The following ZSWIM6 variants were observed in gnomAD, a reference collection of about 807,000 sequenced individuals.
ZSWIM6 encodes the protein zinc finger SWIM-type containing 6.
Under a neutral mutation model 113.2 loss-of-function variants are expected in ZSWIM6, and 9 were observed. That is an observed-to-expected ratio of 0.08 (90% CI 0.05 to 0.14). The LOEUF is 0.14. Among genes scored for constraint, ZSWIM6 ranks in the 10% least tolerant of loss-of-function variants. The pLI is 1.00. For synonymous variants in ZSWIM6, 611 were observed against 606.5 expected, an observed-to-expected ratio of 1.01 and a Z score of -0.11; for missense variants, 1,162 against 1,552.2, an observed-to-expected ratio of 0.75 and a Z score of 4.22.
chr5:61,471,355 A>G (rs915594381), intron 1 of ZSWIM6, among the ~76,000 whole-genome samples: 1 of 152,170 alleles, frequency 6.6e-6, no homozygotes, highest in Non-Finnish European at 1.5e-5. Context: ...ACCCACCCCA[A>G]TTTAGGATAG....
chr5:61,349,117 A>G (rs1480604584), intron 1 of ZSWIM6, among the ~76,000 whole-genome samples: 2 of 152,220 alleles, frequency 1.3e-5, no homozygotes, highest in Non-Finnish European at 2.9e-5. Context: ...TAACAGATGT[A>G]AAAATACTCT....
At chr5:61,491,338 C>T (rs965732321) in intron 3 of ZSWIM6, among the ~76,000 whole-genome samples, 3 of 151,910 alleles carry the variant, frequency 2.0e-5, no homozygotes, top group Non-Finnish European at 4.4e-5. Flanking sequence ...ATGTCAGTAT[C>T]TGTAAGTTAA....
chr5:61,535,593 A>G lies in ZSWIM6; in HGVS notation c.2355A>G (p.Ala785=). Residue 785 remains alanine, a synonymous_variant, in exon 10 of 14, where the codon GCA becomes GCG. Coordinates refer to ENST00000252744, the MANE Select transcript of ZSWIM6 (RefSeq NM_020928.2). ...TSLLPHDAEL[A]YKIALRAMRL... The stretch of plus-strand genomic sequence containing the variant: ...TCCTACCTCACGATGCTGAATTGGC[A>G]TACAAAATTGCACTGAGAGCAATGC... 6.4e-7 allele frequency: 1 copy of G among 1,551,364 alleles called. No individual in the cohort carries two copies. Among genetic ancestry groups the G allele is most frequent in the South Asian group, 1.2e-5 (1 of 84,062 alleles).
intron 7 of ZSWIM6, among the ~76,000 whole-genome samples, chr5:61,529,063 C>T (rs980777553): frequency 6.6e-6 from 1 of 152,092 alleles, no homozygotes; most frequent in African/African-American, 2.4e-5. Flanking sequence ...CTAAAATTGG[C>T]CGGGCGTGAT....
chr5:61,496,758 A>T (rs1032965997), intron 4 of ZSWIM6, among the ~76,000 whole-genome samples: 1 of 152,172 alleles, frequency 6.6e-6, no homozygotes, highest in African/African-American at 2.4e-5. Flanking sequence ...GCCATTACAG[A>T]TCATTTAAAT....
chr5:61,366,004 C>A (rs1222881311), intron 1 of ZSWIM6, among the ~76,000 whole-genome samples: 8 of 152,212 alleles, frequency 5.3e-5, no homozygotes, highest in Middle Eastern at 6.8e-3. Flanking sequence ...CTCCCAGGCT[C>A]AAGTGATCCT....
chr5:61,516,171 G>T (rs1234756070), intron 4 of ZSWIM6, among the ~76,000 whole-genome samples: 5 of 151,410 alleles, frequency 3.3e-5, no homozygotes, highest in African/African-American at 1.2e-4. Context: ...AATTATTGAT[G>T]TGGTTGTTGA....
chr5:61,333,607 G>A (rs1744317565), intron 1 of ZSWIM6, among the ~76,000 whole-genome samples: 1 of 151,746 alleles, frequency 6.6e-6, no homozygotes, highest in Non-Finnish European at 1.5e-5. Flanking sequence ...TTTAAATGTC[G>A]TTTTCTTTGC....
At chr5:61,424,000 A>G (rs980708364) in intron 1 of ZSWIM6, among the ~76,000 whole-genome samples, 1 of 152,054 alleles carries the variant, frequency 6.6e-6, no homozygotes, top group African/African-American at 2.4e-5. Context: ...ACTGCCAGCA[A>G]TTTGTGCCTT....
At chr5:61,344,195 A>G (rs1372304063) in intron 1 of ZSWIM6, among the ~76,000 whole-genome samples, 2 of 152,090 alleles carry the variant, frequency 1.3e-5, no homozygotes. Flanking sequence ...GTGCCTGGCC[A>G]GGATTTTGTA....
At chr5:61,448,151 T>C (rs1387072352) in intron 1 of ZSWIM6, among the ~76,000 whole-genome samples, 1 of 152,228 alleles carries the variant, frequency 6.6e-6, no homozygotes, top group African/African-American at 2.4e-5. Context: ...TCTGTGTTTA[T>C]TCAAAAGAAA....
chr5:61,524,184 G>A (rs940490546), intron 5 of ZSWIM6, among the ~76,000 whole-genome samples: 2 of 152,196 alleles, frequency 1.3e-5, no homozygotes, highest in African/African-American at 4.8e-5. Context: ...AGAGGTCACG[G>A]AACCAATTTC....
At chr5:61,419,805 T>C (rs1184433725) in intron 1 of ZSWIM6, among the ~76,000 whole-genome samples, 1 of 152,220 alleles carries the variant, frequency 6.6e-6, no homozygotes, top group Non-Finnish European at 1.5e-5. Flanking sequence ...TGCCTTCTGG[T>C]TGTATGAATT....
rs1471098272 is a variant in ZSWIM6 at position 61,332,962 on chromosome 5, C to T, written c.676+14C>T. On this transcript the variant is annotated intron_variant, in intron 1 of 13. Transcript: ENST00000252744. ...TCCTGCAAGTCGGTGAGTCACGGGGCAGCCGCGAGCCGTCTGTCCGTCCGT... is the reference window on the plus strand; with the variant it reads ...TCCTGCAAGTCGGTGAGTCACGGGGTAGCCGCGAGCCGTCTGTCCGTCCGT... 4 of 1,281,430 alleles carry T rather than the reference C, an allele frequency of 3.1e-6. No homozygotes were observed. Among genetic ancestry groups the T allele is most frequent in the Admixed American group, 3.5e-5 (1 of 28,652 alleles). The allele number at this position is 1,281,430 out of a possible 1,614,324, so 79.4% of individuals were successfully genotyped here. A position where few individuals can be genotyped will look rare whatever the true frequency, so the allele number is the denominator to read the frequency against.
intron 1 of ZSWIM6, among the ~76,000 whole-genome samples, chr5:61,444,982 T>TA (rs1371991285): frequency 6.6e-6 from 1 of 152,224 alleles, no homozygotes; most frequent in Non-Finnish European, 1.5e-5. Flanking sequence ...GATTAGTTAA[T>TA]AGGACATTTA....
intron 4 of ZSWIM6, among the ~76,000 whole-genome samples, chr5:61,507,093 G>A (rs903507973): frequency 4.6e-5 from 7 of 152,042 alleles, no homozygotes; most frequent in Non-Finnish European, 5.9e-5. Context: ...AGCCCCCACC[G>A]GCTTCTCCCC....
intron 1 of ZSWIM6, chr5:61,391,975 A>G (rs1417951297): frequency 4.5e-6 from 2 of 444,138 alleles, no homozygotes; most frequent in Admixed American, 4.1e-5. Context: ...GTCTACCTTC[A>G]TTTTGTGTAT....
At chr5:61,434,288 GTTAC>G (rs1746654484) in intron 1 of ZSWIM6, among the ~76,000 whole-genome samples, 2 of 150,556 alleles carry the variant, frequency 1.3e-5, no homozygotes, top group Admixed American at 6.6e-5. Context: ...TAATACTACA[GTTAC>G]TTAAAGTTTT....
At chr5:61,462,668 A>G (rs1194066186) in intron 1 of ZSWIM6, among the ~76,000 whole-genome samples, 1 of 152,224 alleles carries the variant, frequency 6.6e-6, no homozygotes, top group Admixed American at 6.5e-5. Flanking sequence ...TGAAAACGCC[A>G]AGCTTCCCAG....
Sources: allele counts gnomAD v4.1 joint callset (sites outside exome capture counted in the v4.1 genomes callset), GRCh38; gene constraint gnomAD v4.1.1; transcripts MANE v1.5; gene names NCBI Gene and HGNC (gene_info 2026-07-23, HGNC 2026-07-21).